Variants in CCDC149 observed in about 807,000 individuals in gnomAD.
The protein encoded by CCDC149 is coiled-coil domain containing 149, also known as coiled-coil domain-containing protein 149.
A neutral mutation model predicts 59.9 loss-of-function variants in CCDC149; 45 were observed. That is an observed-to-expected ratio of 0.75 (90% confidence interval 0.59 to 0.96). CCDC149 has a LOEUF of 0.96. CCDC149 is among the 40% of genes least tolerant of loss of function. CCDC149 has a pLI of 0.00. For missense variants in CCDC149, 584 were observed against 664.7 expected, an observed-to-expected ratio of 0.88 and a Z score of 1.33; for synonymous variants, 245 against 260.6, an observed-to-expected ratio of 0.94 and a Z score of 0.58.
intron 1 of CCDC149, among the ~76,000 whole-genome samples, chr4:24,941,348 C>T (rs1221730377): frequency 3.4e-4 from 52 of 152,138 alleles, no homozygotes; most frequent in Non-Finnish European, 5.1e-4. Context: ...TTGAAACCGA[C>T]GAGAACAAAG....
intron 1 of CCDC149, among the ~76,000 whole-genome samples, 151 bp from the exon 2 acceptor site, chr4:24,876,848 T>C (rs1416903556): frequency 6.6e-6 from 1 of 152,210 alleles, no homozygotes; most frequent in African/African-American, 2.4e-5. Context: ...GCAAATGACA[T>C]GTACTTCAGG....
At chr4:24,964,787 T>C (rs1723746502) in intron 1 of CCDC149, among the ~76,000 whole-genome samples, 1 of 152,158 alleles carries the variant, frequency 6.6e-6, no homozygotes, top group Non-Finnish European at 1.5e-5. Context: ...CACATCATAA[T>C]TATTCTTCTG....
downstream of CCDC149, among the ~76,000 whole-genome samples, chr4:24,804,322 C>G (rs1275717733): frequency 6.6e-6 from 1 of 151,916 alleles, no homozygotes; most frequent in Non-Finnish European, 1.5e-5. Context: ...GAAACCCCGT[C>G]TCTACTAAAA....
At chr4:24,921,975 C>T (rs1722306273) in intron 1 of CCDC149, among the ~76,000 whole-genome samples, 1 of 152,162 alleles carries the variant, frequency 6.6e-6, no homozygotes. Flanking sequence ...AATCTGCATT[C>T]AAGGCATCGG....
At position 24,929,886 on chromosome 4, in the gene CCDC149, C is replaced by T. The variant is rs192972549; in HGVS notation, c.-64-34768G>A. ...TTAGACCGTCTCTCTGACTCTCTGC[C>T]TCTCCCCCCATCAACCAACAAGCAT... On this transcript the variant is annotated intron_variant, in intron 1 of 12. Transcript: ENST00000389609. Among the ~76,000 whole-genome samples the T allele has an allele frequency of 1.2e-3, 181 of 152,238 alleles. 1 individual carries two copies. The Middle Eastern group carries it at 0.027, about 23-fold the overall frequency.
At chr4:24,896,636 G>T (rs976927661) in intron 1 of CCDC149, among the ~76,000 whole-genome samples, 5 of 151,930 alleles carry the variant, frequency 3.3e-5, no homozygotes, top group Admixed American at 3.3e-4. Flanking sequence ...ATATATCTGA[G>T]ATAATAAAAT....
chr4:24,858,317 C>T (rs1718154618), intron 3 of CCDC149, among the ~76,000 whole-genome samples: 1 of 152,134 alleles, frequency 6.6e-6, no homozygotes. Flanking sequence ...GGAAGGAAAA[C>T]AAAACCAAGA....
intron 11 of CCDC149, chr4:24,820,274 G>A (rs1577380353): frequency 1.0e-5 from 3 of 287,878 alleles, no homozygotes; most frequent in East Asian, 1.5e-4. Context: ...TAAGTGGACC[G>A]CAGATTCTTG....
intron 4 of CCDC149, 83 bp downstream of exon 4, chr4:24,852,989 T>G: frequency 1.2e-6 from 1 of 863,492 alleles, no homozygotes; most frequent in Non-Finnish European, 1.9e-6. Context: ...AAATGCTGCA[T>G]TACATTTTTC....
At chr4:24,847,181 G>C (rs2109167867) in intron 4 of CCDC149, among the ~76,000 whole-genome samples, 1 of 152,312 alleles carries the variant, frequency 6.6e-6, no homozygotes, top group East Asian at 1.9e-4. Flanking sequence ...ACTGGAAATA[G>C]CTGATCAATA....
At chr4:24,946,048 T>G (rs950721315) in intron 1 of CCDC149, among the ~76,000 whole-genome samples, 1 of 152,148 alleles carries the variant, frequency 6.6e-6, no homozygotes, top group Non-Finnish European at 1.5e-5. Context: ...ATAGAAGAAT[T>G]TGGGTGATAA....
intron 1 of CCDC149, among the ~76,000 whole-genome samples, chr4:24,949,949 G>A (rs566311448): frequency 7.2e-5 from 11 of 152,346 alleles, no homozygotes; most frequent in South Asian, 2.1e-4. Context: ...AGAGGTGGCC[G>A]TGAAGAGAAG....
chr4:24,826,080 C>T (rs1577385677), intron 9 of CCDC149, among the ~76,000 whole-genome samples: 1 of 151,726 alleles, frequency 6.6e-6, no homozygotes, highest in African/African-American at 2.4e-5. Flanking sequence ...CTCAGCCTCC[C>T]GAGTAGCTGG....
chr4:24,849,528 C>T (rs1717523935), intron 4 of CCDC149, among the ~76,000 whole-genome samples: 1 of 152,188 alleles, frequency 6.6e-6, no homozygotes, highest in African/African-American at 2.4e-5. Context: ...CACAAGAACG[C>T]TGCCCCCTGC....
intron 9 of CCDC149, chr4:24,831,144 G>T: frequency 6.0e-6 from 1 of 166,078 alleles, no homozygotes. Context: ...TCAAAGTCAT[G>T]CTGGGAGTTT....
chr4:24,821,304 T>C (rs1054496095), intron 10 of CCDC149, among the ~76,000 whole-genome samples: 6 of 151,858 alleles, frequency 4.0e-5, no homozygotes, highest in African/African-American at 1.2e-4. Context: ...TGCATGGAAA[T>C]GGCAATCTCA....
intron 1 of CCDC149, among the ~76,000 whole-genome samples, chr4:24,886,781 C>T (rs553998630): frequency 6.6e-6 from 1 of 152,130 alleles, no homozygotes; most frequent in African/African-American, 2.4e-5. Context: ...ACACTCAGGG[C>T]GAGGCTCACG....
At chr4:24,882,415 T>C (rs1410289691) in intron 1 of CCDC149, among the ~76,000 whole-genome samples, 1 of 152,218 alleles carries the variant, frequency 6.6e-6, no homozygotes, top group Admixed American at 6.5e-5. Context: ...TCAAATATTT[T>C]CTGGGTGCCT....
rs375154963 is a variant in CCDC149, at chr4:24,977,267, C to T, written c.-65+2802G>A. ...TGGGAAAGAGGTATTCTTTTTCCAT[C>T]GAGGACTCCAAGCTGGCAGGTTGGA... On this transcript the variant is annotated intron_variant, in intron 1 of 12. Transcript: ENST00000389609. Among the ~76,000 whole-genome samples the T allele has an allele frequency of 4.1e-4, 62 of 152,196 alleles. 1 individual carries two copies. The highest frequency in any genetic ancestry group is 1.9e-3 in the East Asian group (10 of 5,174).
Sources: allele counts gnomAD v4.1 joint callset (sites outside exome capture counted in the v4.1 genomes callset), GRCh38; gene constraint gnomAD v4.1.1; transcripts MANE v1.5; gene names NCBI Gene and HGNC (gene_info 2026-07-23, HGNC 2026-07-21).